The following EPHB1 variants were observed in gnomAD, a reference collection of about 807,000 sequenced individuals.
The protein encoded by EPHB1 is ephrin type-B receptor 1.
A neutral mutation model predicts 94.4 loss-of-function variants in EPHB1; 30 were observed. That is an observed-to-expected ratio of 0.32 (90% CI 0.24 to 0.43). The LOEUF is 0.43. Among genes scored for constraint, EPHB1 ranks in the 20% least tolerant of loss-of-function variants. The pLI is 1.00. For synonymous variants in EPHB1, 522 were observed against 489.1 expected (o/e 1.07, Z -0.89); for missense variants, 1,055 against 1,308.3 (o/e 0.81, Z 2.99).
In EPHB1 at chr3:134,888,576, C is replaced by G. The variant is rs148446152; in HGVS notation, c.59-37240C>G. ...TACAAAAATTAGCTGGGTGTGGTGGCATGTGCCTGTAAGCCCAGCTACTGG... is the reference window on the plus strand; with the variant it reads ...TACAAAAATTAGCTGGGTGTGGTGGGATGTGCCTGTAAGCCCAGCTACTGG... On this transcript the variant is annotated intron_variant, in intron 1 of 15. Transcript: ENST00000398015. Among the ~76,000 whole-genome samples, 797 of 152,142 alleles carry G rather than the reference C, an allele frequency of 5.2e-3. 3 individuals are homozygous for G. The highest frequency in any genetic ancestry group is 0.014 in the Middle Eastern group (4 of 294).
At chr3:135,238,373 C>G (rs1943705190) in intron 12 of EPHB1, among the ~76,000 whole-genome samples, 1 of 152,220 alleles carries the variant, frequency 6.6e-6, no homozygotes, top group Non-Finnish European at 1.5e-5. Context: ...ACAGCCCAAG[C>G]TCAGTGTTCA....
intron 1 of EPHB1, among the ~76,000 whole-genome samples, chr3:134,888,720 AAAAG>A (rs2037907329): frequency 6.6e-6 from 1 of 151,906 alleles, no homozygotes; most frequent in Non-Finnish European, 1.5e-5. Flanking sequence ...AAAAAAAAAA[AAAAG>A]AAAGATAGCT....
At chr3:135,241,391 C>T (rs1943779952) in intron 13 of EPHB1, 94 bp downstream of exon 13, 2 of 1,498,088 alleles carry the variant, frequency 1.3e-6, no homozygotes, top group Admixed American at 3.4e-5. Context: ...AGCTCACGGC[C>T]TCATAATCTG....
At chr3:135,138,435 A>C (rs1940699748) in intron 5 of EPHB1, among the ~76,000 whole-genome samples, 1 of 152,248 alleles carries the variant, frequency 6.6e-6, no homozygotes. Context: ...ATGCATAAAG[A>C]ATAATCTTTG....
In EPHB1 at chr3:134,960,927, C is replaced by T. The variant is rs576418005; in HGVS notation, c.805+8875C>T. Reference sequence around the variant, plus strand: ...CAGCTTCAGGGTCTCTACATCAGCACACCACACATTCCTGGTCAGAGCTGG... The same window carrying T: ...CAGCTTCAGGGTCTCTACATCAGCATACCACACATTCCTGGTCAGAGCTGG... On this transcript the variant is annotated intron_variant, in intron 3 of 15. Transcript: ENST00000398015. Among the ~76,000 whole-genome samples, 399 of 41,922 alleles carry T rather than the reference C, an allele frequency of 9.5e-3. 1 individual carries two copies. Among genetic ancestry groups the T allele is most frequent in the African/African-American group, 0.055 (385 of 6,984 alleles). The allele number at this position is 41,922 out of a possible 152,430, so 27.5% of individuals were successfully genotyped here.
chr3:135,221,514 T>G (rs147138850), intron 12 of EPHB1, among the ~76,000 whole-genome samples: 43 of 152,302 alleles, frequency 2.8e-4, no homozygotes, highest in Non-Finnish European at 5.7e-4. Flanking sequence ...ACATTTCCAA[T>G]CATTTAGCAT....
intron 3 of EPHB1, among the ~76,000 whole-genome samples, chr3:135,008,603 C>T (rs1369821115): frequency 2.6e-5 from 4 of 152,184 alleles, no homozygotes; most frequent in Non-Finnish European, 5.9e-5. Context: ...GACCAGCAGT[C>T]CCTTGTGGAA....
chr3:135,005,745 C>G (rs1041972975), intron 3 of EPHB1, among the ~76,000 whole-genome samples: 2 of 152,218 alleles, frequency 1.3e-5, no homozygotes, highest in African/African-American at 4.8e-5. Flanking sequence ...TCACCCCTTT[C>G]TTTGATTAGG....
intron 10 of EPHB1, among the ~76,000 whole-genome samples, chr3:135,183,144 G>A (rs1006416098): frequency 1.4e-5 from 2 of 147,594 alleles, no homozygotes; most frequent in Non-Finnish European, 1.5e-5. Flanking sequence ...TTTACACTAT[G>A]GGAACTGGAA....
chr3:135,022,688 CAACACTGTCTGTTGTTGTATCCCCT>C (rs1936025316), intron 3 of EPHB1, among the ~76,000 whole-genome samples: 1 of 152,172 alleles, frequency 6.6e-6, no homozygotes, highest in Admixed American at 6.5e-5. Flanking sequence ...AAACAGAAGA[CAACACTGTCTGTTGTTGTATCCCCT>C]TCCTTATTAC....
intron 3 of EPHB1, among the ~76,000 whole-genome samples, chr3:135,084,681 G>A (rs1002702305): frequency 5.3e-5 from 8 of 152,076 alleles, no homozygotes; most frequent in African/African-American, 1.9e-4. Flanking sequence ...CATTCCCAGG[G>A]GCCTCTCCGT....
intron 12 of EPHB1, among the ~76,000 whole-genome samples, chr3:135,229,199 T>G (rs1501218): frequency 0.63 from 95,357 of 152,080 alleles, 32,763 homozygotes; most frequent in Middle Eastern, 0.83. Context: ...GTGGAGCAGC[T>G]CCGTCAGCAC....
chr3:135,013,989 G>C (rs959745779), intron 3 of EPHB1, among the ~76,000 whole-genome samples: 1 of 152,174 alleles, frequency 6.6e-6, no homozygotes, highest in Non-Finnish European at 1.5e-5. Context: ...GTTCATTCCT[G>C]CTTGAGTCGG....
intron 3 of EPHB1, among the ~76,000 whole-genome samples, chr3:135,003,788 C>CT (rs935010652): frequency 2.6e-5 from 4 of 151,920 alleles, no homozygotes; most frequent in African/African-American, 2.4e-5. Context: ...CAACCCCCGC[C>CT]TTTTTTTGTT....
intron 4 of EPHB1, among the ~76,000 whole-genome samples, chr3:135,116,310 G>GACCCCATCACTCCCCTGTCTCT: frequency 1.3e-5 from 2 of 152,274 alleles, no homozygotes; most frequent in Admixed American, 1.3e-4. Context: ...GCTAAATTCT[G>GACCCCATCACTCCCCTGTCTCT]ACCCCATCAC....
At chr3:135,096,345 A>T (rs78690211) in intron 3 of EPHB1, among the ~76,000 whole-genome samples, 12,940 of 152,248 alleles carry the variant, frequency 0.085, 608 homozygotes, top group African/African-American at 0.1. Flanking sequence ...CCATGTTTGC[A>T]TTCTTCCAGA....
At chr3:134,799,750 C>T (rs1178023694) in intron 1 of EPHB1, among the ~76,000 whole-genome samples, 3 of 152,122 alleles carry the variant, frequency 2.0e-5, no homozygotes, top group Admixed American at 2.0e-4. Flanking sequence ...TCTCAGAGCC[C>T]CTACTTTGTT....
intron 3 of EPHB1, among the ~76,000 whole-genome samples, chr3:135,072,748 C>G (rs1272104466): frequency 6.6e-6 from 1 of 152,230 alleles, no homozygotes; most frequent in African/African-American, 2.4e-5. Flanking sequence ...ACATTTTATC[C>G]TGTTTTACTT....
chr3:134,872,834 G>A (rs2037530871), intron 1 of EPHB1, among the ~76,000 whole-genome samples: 2 of 152,162 alleles, frequency 1.3e-5, no homozygotes, highest in African/African-American at 4.8e-5. Flanking sequence ...ACGAGGCAGG[G>A]AATACACCTT....
Sources: allele counts gnomAD v4.1 joint callset (sites outside exome capture counted in the v4.1 genomes callset), GRCh38; gene constraint gnomAD v4.1.1; transcripts MANE v1.5; gene names NCBI Gene and HGNC (gene_info 2026-07-23, HGNC 2026-07-21).